The following ZNF827 variants were observed in gnomAD, a reference collection of about 807,000 sequenced individuals.
ZNF827 encodes zinc finger protein 827.
A neutral mutation model predicts 102.4 loss-of-function variants in ZNF827; 13 were observed. The observed-to-expected ratio is 0.13, with a 90% CI of 0.08 to 0.20. The LOEUF is 0.20. ZNF827 is among the 10% of genes least tolerant of loss of function. ZNF827 has a pLI of 1.00. For synonymous variants in ZNF827, 523 were observed against 536.2 expected (o/e 0.98, Z 0.34); for missense variants, 1,103 against 1,344.4 (o/e 0.82, Z 2.81).
At chr4:145,887,849 G>A (rs1750248531) in intron 3 of ZNF827, among the ~76,000 whole-genome samples, 1 of 152,218 alleles carries the variant, frequency 6.6e-6, no homozygotes, top group East Asian at 1.9e-4. Flanking sequence ...GGAACCAGGT[G>A]ATAAAGGTCA....
At chr4:145,838,377 C>T (rs113595498) in intron 7 of ZNF827, among the ~76,000 whole-genome samples, 68 of 152,250 alleles carry the variant, frequency 4.5e-4, no homozygotes, top group African/African-American at 1.4e-3. Context: ...ACCTATAAAA[C>T]GGCCCCACCC....
Position 145,849,216 on chromosome 4 carries a change from C to G in ZNF827, c.2221+106G>C, listed in dbSNP as rs556038555. The G allele has an allele frequency of 8.6e-5, 121 of 1,407,732 alleles. No individual in the cohort carries two copies. In the African/African-American group the frequency reaches 1.6e-3, roughly 19 times the overall value. The allele number at this position is 1,407,732 out of a possible 1,614,324, so 87.2% of individuals were successfully genotyped here. A position where few individuals can be genotyped will look rare whatever the true frequency, so the allele number is the denominator to read the frequency against. ...TTAAAGCAACAAAATTGATTTCTGTCTAAAAAATCCTATAATTCAGGTTTT... is the reference window on the plus strand; with the variant it reads ...TTAAAGCAACAAAATTGATTTCTGTGTAAAAAATCCTATAATTCAGGTTTT... On this transcript the variant is annotated intron_variant, in intron 6 of 14. Coordinates refer to ENST00000508784, the MANE Select transcript of ZNF827 (RefSeq NM_001306215.2).
At chr4:145,898,985 C>T (rs538226572) in intron 2 of ZNF827, among the ~76,000 whole-genome samples, 2 of 151,928 alleles carry the variant, frequency 1.3e-5, no homozygotes, top group South Asian at 4.2e-4. Flanking sequence ...AAAATGAAAG[C>T]CCTGCCTGAA....
chr4:145,817,809 G>A (rs1263254948), intron 8 of ZNF827, among the ~76,000 whole-genome samples: 2 of 152,170 alleles, frequency 1.3e-5, no homozygotes, highest in Non-Finnish European at 2.9e-5. Flanking sequence ...CTGATTCCCA[G>A]TCTAGAAATG....
chr4:145,870,942 T>C (rs75965950), intron 4 of ZNF827, among the ~76,000 whole-genome samples: 184 of 152,238 alleles, frequency 1.2e-3, no homozygotes, highest in Non-Finnish European at 2.3e-3. Flanking sequence ...GGATGGAGAA[T>C]TTGCCAAACA....
At chr4:145,924,520 C>A (rs1180446388) in intron 1 of ZNF827, among the ~76,000 whole-genome samples, 1 of 152,206 alleles carries the variant, frequency 6.6e-6, no homozygotes, top group African/African-American at 2.4e-5. Context: ...CAAGCCCTGG[C>A]TGAGTGTCTG....
intron 11 of ZNF827, among the ~76,000 whole-genome samples, chr4:145,772,347 C>A (rs59467178): frequency 0.048 from 7,230 of 152,142 alleles, 563 homozygotes; most frequent in African/African-American, 0.16. Flanking sequence ...GCTTTATACC[C>A]TAACTTTGCA....
At chr4:145,812,495 TTATATTTA>T (rs1377342199) in intron 8 of ZNF827, among the ~76,000 whole-genome samples, 1 of 127,200 alleles carries the variant, frequency 7.9e-6, no homozygotes, top group African/African-American at 2.8e-5. Flanking sequence ...GTAAACCATT[TTATATTTA>T]TTTATTTATT....
intron 8 of ZNF827, among the ~76,000 whole-genome samples, chr4:145,785,232 T>C (rs894242147): frequency 2.4e-4 from 36 of 152,174 alleles, no homozygotes; most frequent in African/African-American, 6.5e-4. Context: ...CTATCATCCA[T>C]AATGATGAGG....
intron 2 of ZNF827, among the ~76,000 whole-genome samples, chr4:145,900,088 A>G (rs532442643): frequency 6.6e-6 from 1 of 152,332 alleles, no homozygotes; most frequent in African/African-American, 2.4e-5. Context: ...AAACAAACAA[A>G]AAGTCTACCA....
chr4:145,772,135 A>G (rs76347889), intron 11 of ZNF827, among the ~76,000 whole-genome samples: 7,229 of 152,286 alleles, frequency 0.047, 559 homozygotes, highest in African/African-American at 0.16. Flanking sequence ...CAAGGGCCAC[A>G]TCTGAATAGT....
chr4:145,865,986 T>C (rs774958860), intron 5 of ZNF827, among the ~76,000 whole-genome samples: 9 of 152,200 alleles, frequency 5.9e-5, no homozygotes, highest in Non-Finnish European at 1.3e-4. Flanking sequence ...CTGCTGGCAA[T>C]TCCCCCTTTC....
Position 145,859,463 on chromosome 4 carries a change from C to T in ZNF827, c.1982-9902G>A, listed in dbSNP as rs560326295. 8.1e-4 allele frequency among the ~76,000 whole-genome samples: 123 copies of T among 152,216 alleles called. 1 individual carries two copies. Among genetic ancestry groups the T allele is most frequent in the African/African-American group, 2.8e-3 (116 of 41,530 alleles). ...TTTTTGATAGGGTACGGTCCCTAGT[C>T]CCATGCCTGTGGGAGTCGTTGGACT... On this transcript the variant is annotated intron_variant, in intron 5 of 14. Transcript: ENST00000508784.
At chr4:145,809,368 CT>C (rs1213309230) in intron 8 of ZNF827, among the ~76,000 whole-genome samples, 1 of 152,170 alleles carries the variant, frequency 6.6e-6, no homozygotes, top group African/African-American at 2.4e-5. Context: ...GCTGCCTTTG[CT>C]TTTTCCTGGG....
chr4:145,937,036 T>A (rs1335842144), intron 1 of ZNF827, among the ~76,000 whole-genome samples: 3 of 150,604 alleles, frequency 2.0e-5, no homozygotes, highest in Non-Finnish European at 4.4e-5. Context: ...CTTCCCTGCA[T>A]TCAAGGAGCC....
At chr4:145,800,033 A>C (rs1401857685) in intron 8 of ZNF827, among the ~76,000 whole-genome samples, 1 of 151,614 alleles carries the variant, frequency 6.6e-6, no homozygotes, top group African/African-American at 2.4e-5. Context: ...ATTTTATCAC[A>C]ACTAATACAT....
At chr4:145,792,641 G>A (rs1486395437) in intron 8 of ZNF827, among the ~76,000 whole-genome samples, 2 of 152,042 alleles carry the variant, frequency 1.3e-5, no homozygotes, top group Non-Finnish European at 2.9e-5. Flanking sequence ...CAATCTGTCC[G>A]TCTTGGCCTC....
intron 8 of ZNF827, among the ~76,000 whole-genome samples, chr4:145,791,791 A>G (rs528848861): frequency 6.6e-6 from 1 of 152,334 alleles, no homozygotes; most frequent in Non-Finnish European, 1.5e-5. Flanking sequence ...AACTCTCTTA[A>G]CAAAAGATTA....
intron 1 of ZNF827, among the ~76,000 whole-genome samples, chr4:145,920,878 C>A (rs1367051515): frequency 6.6e-6 from 1 of 152,196 alleles, no homozygotes; most frequent in Non-Finnish European, 1.5e-5. Flanking sequence ...TTATTGACCA[C>A]CTACTATAAT....
Sources: allele counts gnomAD v4.1 joint callset (sites outside exome capture counted in the v4.1 genomes callset), GRCh38; gene constraint gnomAD v4.1.1; transcripts MANE v1.5; gene names NCBI Gene and HGNC (gene_info 2026-07-23, HGNC 2026-07-21).